Variants in HECW2 observed in about 807,000 individuals in gnomAD.
HECW2 encodes the protein E3 ubiquitin-protein ligase HECW2.
Under a neutral mutation model 175.2 loss-of-function variants are expected in HECW2, and 61 were observed. That is an observed-to-expected ratio of 0.35 (90% CI 0.28 to 0.43). HECW2 has a LOEUF of 0.43. HECW2 is among the 20% of genes least tolerant of loss of function. The probability of loss-of-function intolerance (pLI) is 1.00; values close to 1 mark genes in which losing one functional copy is unlikely to be tolerated. For missense variants in HECW2, 1,524 were observed against 2,000.5 expected, an observed-to-expected ratio of 0.76 and a Z score of 4.54; for synonymous variants, 671 against 731.0, an observed-to-expected ratio of 0.92 and a Z score of 1.32.
rs112103978 is a variant in HECW2 at position 196,559,512 on chromosome 2, T to C, written c.-36+33996A>G. Among the ~76,000 whole-genome samples, 69 of 152,332 alleles carry C rather than the reference T, an allele frequency of 4.5e-4. No homozygotes were observed. In the South Asian group the frequency reaches 0.011, roughly 24 times the overall value. ...CAACATCTGGAGTCCAGTTGATTACTGCTCATAGGGTTATGCGACAAGCCT... is the reference window on the plus strand; with the variant it reads ...CAACATCTGGAGTCCAGTTGATTACCGCTCATAGGGTTATGCGACAAGCCT... On this transcript the variant is annotated intron_variant, in intron 1 of 28. Transcript: ENST00000644978.
intron 17 of HECW2, 34 bp from the exon 18 acceptor site, chr2:196,257,940 T>C (rs368790972): frequency 5.5e-5 from 80 of 1,455,946 alleles, no homozygotes; most frequent in Non-Finnish European, 7.4e-5. Context: ...AAAATGTATA[T>C]GGTAGACCTT....
chr2:196,299,928 CAAA>C (rs68024134), intron 13 of HECW2, among the ~76,000 whole-genome samples: 78,565 of 144,674 alleles, frequency 0.54, 23,775 homozygotes, highest in East Asian at 0.82. Flanking sequence ...AACTCTGTCT[CAAA>C]AAAAAAAAAA....
chr2:196,554,195 G>A (rs1481937581), intron 1 of HECW2, among the ~76,000 whole-genome samples: 2 of 151,942 alleles, frequency 1.3e-5, no homozygotes, highest in African/African-American at 2.4e-5. Flanking sequence ...GCGCAGTGGC[G>A]GGCGCCTGTA....
At chr2:196,345,777 C>T (rs892575925) in intron 2 of HECW2, among the ~76,000 whole-genome samples, 3 of 152,218 alleles carry the variant, frequency 2.0e-5, no homozygotes, top group Non-Finnish European at 4.4e-5. Context: ...CTGGAATCCT[C>T]AAGTTTGGAT....
intron 23 of HECW2, among the ~76,000 whole-genome samples, chr2:196,223,996 G>A: frequency 6.6e-6 from 1 of 152,294 alleles, no homozygotes; most frequent in South Asian, 2.1e-4. Flanking sequence ...TTAATTGCTG[G>A]GCTTGAGCAC....
chr2:196,557,545 T>A (rs1215858013), intron 1 of HECW2, among the ~76,000 whole-genome samples: 3 of 152,096 alleles, frequency 2.0e-5, no homozygotes, highest in Non-Finnish European at 4.4e-5. Flanking sequence ...ATCCAGTAAT[T>A]CCTCTTCCAA....
chr2:196,384,965 G>A (rs1391155241), intron 2 of HECW2, among the ~76,000 whole-genome samples: 4 of 151,886 alleles, frequency 2.6e-5, no homozygotes. Flanking sequence ...CGCTCAGGCT[G>A]GAGGGCAGTG....
chr2:196,287,981 C>T (rs1325133148), intron 14 of HECW2: 1 of 151,474 alleles, frequency 6.6e-6, no homozygotes, highest in Non-Finnish European at 1.5e-5. Flanking sequence ...TGCTAAGGCA[C>T]ACATCCTTTT....
intron 17 of HECW2, among the ~76,000 whole-genome samples, chr2:196,268,324 T>TATCA (rs1689593178): frequency 6.6e-6 from 1 of 152,216 alleles, no homozygotes; most frequent in Admixed American, 6.5e-5. Context: ...TTTCATAGCC[T>TATCA]ATCAAATAAT....
intron 1 of HECW2, among the ~76,000 whole-genome samples, chr2:196,466,837 G>A (rs1222711427): frequency 6.6e-6 from 1 of 152,230 alleles, no homozygotes; most frequent in Non-Finnish European, 1.5e-5. Context: ...CCAGGCAGAA[G>A]GAGCTACTGA....
intron 1 of HECW2, among the ~76,000 whole-genome samples, chr2:196,479,043 C>T (rs1422237728): frequency 6.6e-6 from 1 of 152,206 alleles, no homozygotes; most frequent in Non-Finnish European, 1.5e-5. Context: ...TCAGCTCACT[C>T]CACTGGGATG....
chr2:196,260,455 A>G (rs1266333783), intron 17 of HECW2: 2 of 152,232 alleles, frequency 1.3e-5, no homozygotes, highest in African/African-American at 4.8e-5. Context: ...TCATGGTACC[A>G]CACGCTGGGA....
chr2:196,345,365 A>C (rs1443257524), intron 2 of HECW2, among the ~76,000 whole-genome samples: 11 of 152,204 alleles, frequency 7.2e-5, no homozygotes. Flanking sequence ...TGCCCTGTTA[A>C]AAATACCTCT....
At chr2:196,492,997 T>G (rs1485909277) in intron 1 of HECW2, among the ~76,000 whole-genome samples, 1 of 152,320 alleles carries the variant, frequency 6.6e-6, no homozygotes, top group East Asian at 1.9e-4. Flanking sequence ...ATAGGGGGAA[T>G]AGAATAGAGA....
intron 2 of HECW2, among the ~76,000 whole-genome samples, chr2:196,351,784 G>A (rs1693179712): frequency 6.6e-6 from 1 of 152,162 alleles, no homozygotes. Flanking sequence ...CTTATTATGG[G>A]TACACTCGGG....
intron 16 of HECW2, 88 bp from the exon 17 acceptor site, chr2:196,271,377 G>A (rs368862771): frequency 2.0e-5 from 18 of 894,012 alleles, no homozygotes; most frequent in African/African-American, 1.5e-4. Context: ...GTGCCCCACC[G>A]GGTTCAAGCA....
At chr2:196,240,982 T>G (rs138002051) in intron 20 of HECW2, among the ~76,000 whole-genome samples, 1 of 150,786 alleles carries the variant, frequency 6.6e-6, no homozygotes, top group African/African-American at 2.4e-5. Flanking sequence ...AATTATTAAG[T>G]GCCCAGCAAG....
At chr2:196,425,680 A>C (rs1299524938) in intron 2 of HECW2, among the ~76,000 whole-genome samples, 1 of 152,200 alleles carries the variant, frequency 6.6e-6, no homozygotes, top group Non-Finnish European at 1.5e-5. Context: ...ATCTTATGAT[A>C]AAACTTGAAT....
intron 1 of HECW2, chr2:196,586,640 T>A (rs1427910423): frequency 6.6e-6 from 1 of 151,738 alleles, no homozygotes; most frequent in Non-Finnish European, 1.5e-5. Flanking sequence ...TAAGTACAAC[T>A]CCTTTTCTTC....
Sources: gnomAD v4.1 joint callset for allele counts (sites outside exome capture counted in the v4.1 genomes callset) on GRCh38, gnomAD v4.1.1 for gene constraint, MANE v1.5 for transcripts, NCBI Gene and HGNC (gene_info 2026-07-23, HGNC 2026-07-21) for gene names.